Variants in VPS13B observed in about 807,000 individuals in gnomAD.
The protein encoded by VPS13B is vacuolar protein sorting 13 homolog B.
VPS13B carries 285 observed loss-of-function variants against 426.4 expected under a neutral mutation model. The observed-to-expected ratio is 0.67, with a 90% confidence interval of 0.61 to 0.74. VPS13B has a LOEUF of 0.74. Ranked by LOEUF, VPS13B falls within the 30% of genes least tolerant of loss-of-function variation. The probability of loss-of-function intolerance (pLI) is 0.00; values close to 1 mark genes in which losing one functional copy is unlikely to be tolerated. For synonymous variants in VPS13B, 1,676 were observed against 1,676.4 expected (o/e 1.00, Z 0.01); for missense variants, 4,537 against 4,782.6 (o/e 0.95, Z 1.51).
intron 33 of VPS13B, among the ~76,000 whole-genome samples, chr8:99,639,630 A>G (rs1284391194): frequency 6.7e-6 from 1 of 149,240 alleles, no homozygotes; most frequent in East Asian, 1.9e-4. Context: ...AAGTTGTTAT[A>G]TATATATAAG....
At chr8:99,115,924 C>A in intron 7 of VPS13B, 50 bp downstream of exon 7, 2 of 1,575,106 alleles carry the variant, frequency 1.3e-6, no homozygotes, top group Non-Finnish European at 1.7e-6. Flanking sequence ...ACTATTCTTA[C>A]GTTTTACCAT....
chr8:99,325,195 C>G (rs1304840806), intron 19 of VPS13B, among the ~76,000 whole-genome samples: 5 of 152,180 alleles, frequency 3.3e-5, no homozygotes, highest in Admixed American at 6.6e-5. Context: ...AAGCAGTTCT[C>G]TCACCTGGGC....
intron 24 of VPS13B, among the ~76,000 whole-genome samples, chr8:99,472,599 C>A (rs1207839515): frequency 4.0e-5 from 6 of 151,164 alleles, no homozygotes; most frequent in Admixed American, 3.3e-4. Flanking sequence ...CTTAAATCAG[C>A]CATTTAAGGT....
chr8:99,414,689 C>T (rs1212774276), intron 21 of VPS13B, among the ~76,000 whole-genome samples: 2 of 152,134 alleles, frequency 1.3e-5, no homozygotes, highest in Non-Finnish European at 2.9e-5. Flanking sequence ...TTTACTTTGG[C>T]TGGATATGAA....
chr8:99,315,641 CTT>C (rs758454074), intron 19 of VPS13B, among the ~76,000 whole-genome samples: 5 of 139,930 alleles, frequency 3.6e-5, no homozygotes, highest in Admixed American at 7.2e-5. Flanking sequence ...TTGTAAATTT[CTT>C]TTTTTTTTTT....
chr8:99,029,710 A>G (rs1842409983), intron 2 of VPS13B, among the ~76,000 whole-genome samples: 1 of 151,262 alleles, frequency 6.6e-6, no homozygotes, highest in Non-Finnish European at 1.5e-5. Flanking sequence ...TTTTGCAGTG[A>G]GCCGAGATGG....
At chr8:99,734,325 C>T (rs1833728663) in intron 39 of VPS13B, among the ~76,000 whole-genome samples, 1 of 152,122 alleles carries the variant, frequency 6.6e-6, no homozygotes, top group African/African-American at 2.4e-5. Context: ...TTTACTTAGA[C>T]TCTGTTGTAT....
intron 19 of VPS13B, among the ~76,000 whole-genome samples, chr8:99,344,035 G>A (rs188483566): frequency 2.6e-5 from 4 of 152,028 alleles, no homozygotes; most frequent in African/African-American, 4.8e-5. Context: ...ACAAAATGAC[G>A]ATATCCAACT....
Position 99,698,529 on chromosome 8 carries a change from A to G in VPS13B, c.6047-996A>G, listed in dbSNP as rs139037008. Among the ~76,000 whole-genome samples, 604 of 152,328 alleles carry G rather than the reference A, an allele frequency of 4.0e-3. 4 individuals are homozygous for G. The highest frequency in any genetic ancestry group is 7.0e-3 in the Non-Finnish European group (476 of 68,024). ...TCTCTCTTCCTGCACACACAGAAAA[A>G]TAATATTACATATGATTTATAACTT... is the stretch of plus-strand genomic sequence containing the variant. On this transcript the variant is annotated intron_variant, in intron 35 of 61. Coordinates refer to ENST00000357162, the MANE Select transcript of VPS13B (RefSeq NM_152564.5).
intron 58 of VPS13B, among the ~76,000 whole-genome samples, chr8:99,864,336 C>T (rs1816986980): frequency 6.6e-6 from 1 of 152,122 alleles, no homozygotes; most frequent in African/African-American, 2.4e-5. Context: ...ATTGCTTGAG[C>T]CCAGGAGTTC....
chr8:99,257,973 A>G (rs926001025), intron 17 of VPS13B, among the ~76,000 whole-genome samples: 1 of 151,902 alleles, frequency 6.6e-6, no homozygotes, highest in Non-Finnish European at 1.5e-5. Context: ...TCCCATATGT[A>G]TTATGAAATT....
In VPS13B at chr8:99,156,747, T is replaced by A; in HGVS notation, c.2208+4T>A. 6.2e-7 allele frequency: 1 copy of A among 1,613,922 alleles called. No homozygotes were observed. The highest frequency in any genetic ancestry group is 2.2e-5 in the East Asian group (1 of 44,864). ...TTATGTACACTGCTATCTTAAGGTA[T>A]GAAAAGTGAATTTTCTTGTTTGTTA... On this transcript the variant is annotated splice_donor_region_variant and intron_variant, in intron 15 of 61. Transcript: ENST00000357162.
chr8:99,280,068 C>G (rs1819091696), intron 19 of VPS13B, among the ~76,000 whole-genome samples: 1 of 152,166 alleles, frequency 6.6e-6, no homozygotes, highest in Non-Finnish European at 1.5e-5. Context: ...CGCACCAGGC[C>G]CATCATTTCA....
chr8:99,543,139 G>A (rs1315913643), intron 30 of VPS13B, among the ~76,000 whole-genome samples: 1 of 151,836 alleles, frequency 6.6e-6, no homozygotes, highest in Non-Finnish European at 1.5e-5. Flanking sequence ...ACAAAACAGG[G>A]CCCTCAGAAA....
rs117478074 is a variant in VPS13B at position 99,679,983 on chromosome 8, G to A, written c.6046+18492G>A. Among the ~76,000 whole-genome samples the A allele has an allele frequency of 5.1e-3, 772 of 152,212 alleles. 5 individuals carry two copies. The highest frequency in any genetic ancestry group is 8.8e-3 in the Non-Finnish European group (598 of 68,002). ...TTCTGTGTTTTGCATTTACTAAGAT[G>A]GTGAATAAAAACATCATTTCTGTGT... On this transcript the variant is annotated intron_variant, in intron 35 of 61. Transcript: ENST00000357162.
intron 44 of VPS13B, among the ~76,000 whole-genome samples, chr8:99,813,341 T>C (rs1388212557): frequency 7.2e-5 from 11 of 152,104 alleles, no homozygotes. Flanking sequence ...GATTCTGTGG[T>C]TTCTCTGAGA....
intron 25 of VPS13B, among the ~76,000 whole-genome samples, chr8:99,497,965 A>G (rs185686513): frequency 5.2e-4 from 79 of 152,268 alleles, no homozygotes; most frequent in African/African-American, 1.8e-3. Flanking sequence ...TTATTTGAAT[A>G]TCTATGAAAA....
chr8:99,696,561 A>C, intron 35 of VPS13B: 1 of 515,854 alleles, frequency 1.9e-6, no homozygotes. Context: ...GCTCTTCCCC[A>C]GCATGCCAGC....
intron 17 of VPS13B, among the ~76,000 whole-genome samples, chr8:99,271,051 GATT>G (rs1360690988): frequency 1.3e-5 from 2 of 151,950 alleles, no homozygotes; most frequent in African/African-American, 4.8e-5. Context: ...AGCTCCTAAG[GATT>G]ATTTTGTGTT....
Sources: gnomAD v4.1 joint callset for allele counts (sites outside exome capture counted in the v4.1 genomes callset) on GRCh38, gnomAD v4.1.1 for gene constraint, MANE v1.5 for transcripts, NCBI Gene and HGNC (gene_info 2026-07-23, HGNC 2026-07-21) for gene names.